The following ADGRL2 variants were observed in gnomAD, a reference collection of about 807,000 sequenced individuals.
ADGRL2 encodes the protein adhesion G protein-coupled receptor L2, also known as calcium-independent alpha-latrotoxin receptor 2.
Under a neutral mutation model 157.4 loss-of-function variants are expected in ADGRL2, and 44 were observed. The observed-to-expected ratio is 0.28, with a 90% confidence interval of 0.22 to 0.36. The LOEUF is 0.36. ADGRL2 is among the 10% of genes least tolerant of loss of function. The pLI is 1.00. For missense variants in ADGRL2, 1,510 were observed against 1,768.9 expected, an observed-to-expected ratio of 0.85 and a Z score of 2.63; for synonymous variants, 585 against 624.7, an observed-to-expected ratio of 0.94 and a Z score of 0.95.
intron 1 of ADGRL2, among the ~76,000 whole-genome samples, chr1:81,423,293 G>C (rs1029300567): frequency 6.6e-6 from 1 of 152,152 alleles, no homozygotes; most frequent in Admixed American, 6.6e-5. Flanking sequence ...CTCATATTCA[G>C]GTCAAACTAA....
rs143983940 is a variant in ADGRL2 at position 81,347,340 on chromosome 1, G to T, written c.-302+40831G>T. 3.5e-3 allele frequency among the ~76,000 whole-genome samples: 529 copies of T among 152,170 alleles called. 1 individual carries two copies. The highest frequency in any genetic ancestry group is 0.012 in the African/African-American group (511 of 41,518). The stretch of plus-strand genomic sequence containing the variant: ...CGCTTGAACCCGGGAAGCAGAGGTT[G>T]CAGTGAGCCTAGATCATGCCATTGC... On this transcript the variant is annotated intron_variant, in intron 1 of 24. Coordinates refer to the ADGRL2 transcript ENST00000370721.
rs188725004 is a variant in ADGRL2, at chr1:81,514,626, G to A, written c.-247-66250G>A. Reference sequence around the variant, plus strand: ...TTCAATCCATATGTTTCAGACTCACGTACAGTTGTATCAAAATCTTGTGTT... The same window carrying A: ...TTCAATCCATATGTTTCAGACTCACATACAGTTGTATCAAAATCTTGTGTT... On this transcript the variant is annotated intron_variant, in intron 2 of 24. Transcript: ENST00000370721. The A allele has an allele frequency of 7.2e-5, 11 of 152,236 alleles. No individual in the cohort carries two copies. In the East Asian group the frequency reaches 1.2e-3, roughly 16 times the overall value. 9.4% of individuals were successfully genotyped at this position (152,236 alleles called of 1,614,324 possible). A position where few individuals can be genotyped will look rare whatever the true frequency, so the allele number is the denominator to read the frequency against.
At position 81,705,591 on chromosome 1, in the gene ADGRL2, T is replaced by C. The variant is rs901539073; in HGVS notation, c.-143+5783T>C. Among the ~76,000 whole-genome samples, 15 of 151,864 alleles carry C rather than the reference T, an allele frequency of 9.9e-5. No homozygotes were observed. The East Asian group carries it at 2.2e-3, about 22-fold the overall frequency. On this transcript the variant is annotated intron_variant, in intron 1 of 20. Coordinates refer to the ADGRL2 transcript ENST00000359929. ...CAAAATTCCTGTAGCCAGGTCAGCC[T>C]GTGAAAGAACAGCAGGAAGCCAGCC...
intron 3 of ADGRL2, among the ~76,000 whole-genome samples, chr1:81,927,770 G>T (rs1375390047): frequency 1.3e-5 from 2 of 151,828 alleles, no homozygotes; most frequent in Non-Finnish European, 2.9e-5. Context: ...TTTGCCACAT[G>T]AATTACACAC....
chr1:81,606,773 TGC>T (rs940813050), intron 3 of ADGRL2, among the ~76,000 whole-genome samples: 6 of 115,684 alleles, frequency 5.2e-5, no homozygotes, highest in Non-Finnish European at 1.0e-4. Flanking sequence ...TGTGTGTGTG[TGC>T]GCACGCGTGT....
chr1:81,823,191 A>T (rs758473305), intron 1 of ADGRL2, among the ~76,000 whole-genome samples: 2 of 152,086 alleles, frequency 1.3e-5, no homozygotes, highest in Non-Finnish European at 2.9e-5. Flanking sequence ...AGTTTTAAAA[A>T]ATTCTGTTTC....
At chr1:81,419,200 T>C (rs1031236765) in intron 1 of ADGRL2, among the ~76,000 whole-genome samples, 1 of 152,188 alleles carries the variant, frequency 6.6e-6, no homozygotes, top group Non-Finnish European at 1.5e-5. Context: ...TTTATCTTTT[T>C]TTATTATTAT....
chr1:81,741,278 T>G (rs1460027640), intron 1 of ADGRL2, among the ~76,000 whole-genome samples: 1 of 152,000 alleles, frequency 6.6e-6, no homozygotes, highest in Non-Finnish European at 1.5e-5. Flanking sequence ...AAAAATAATT[T>G]TATGATTTCC....
upstream of ADGRL2, among the ~76,000 whole-genome samples, chr1:81,797,815 G>C (rs946415780): frequency 1.3e-5 from 2 of 151,968 alleles, no homozygotes; most frequent in African/African-American, 4.8e-5. Flanking sequence ...TCTACAGTTG[G>C]AAAAAACATG....
chr1:81,397,685 T>G (rs923136443), intron 1 of ADGRL2, among the ~76,000 whole-genome samples: 1 of 152,192 alleles, frequency 6.6e-6, no homozygotes, highest in African/African-American at 2.4e-5. Flanking sequence ...AGATAATTGT[T>G]ATTATTTGAA....
chr1:81,767,237 T>TTAATGCATA (rs2086164694), intron 2 of ADGRL2, among the ~76,000 whole-genome samples: 4 of 152,208 alleles, frequency 2.6e-5, no homozygotes, highest in Admixed American at 2.6e-4. Flanking sequence ...TCCTTTAACA[T>TTAATGCATA]TAATGCATAT....
At chr1:81,557,482 G>GAAGAAAGAAAGAAAGAAAGAAAGAAAGA (rs58652638) in intron 2 of ADGRL2, 1 of 119,966 alleles carries the variant, frequency 8.3e-6, no homozygotes, top group Non-Finnish European at 1.7e-5. Flanking sequence ...AAGAAAGAAA[G>GAAGAAAGAAAGAAAGAAAGAAAGAAAGA]AAGAAAGAAA....
intron 1 of ADGRL2, among the ~76,000 whole-genome samples, chr1:81,345,288 C>A (rs1333500278): frequency 6.6e-6 from 1 of 152,190 alleles, no homozygotes; most frequent in African/African-American, 2.4e-5. Context: ...CACCTCCAAG[C>A]CTAGGCTGCA....
chr1:81,470,232 G>A (rs868853190), intron 2 of ADGRL2, among the ~76,000 whole-genome samples: 6 of 152,178 alleles, frequency 3.9e-5, no homozygotes, highest in Non-Finnish European at 7.3e-5. Context: ...TTTTGTTCAA[G>A]TTATGCAAAT....
In ADGRL2 at chr1:81,903,980, G is replaced by C. The variant is rs188036497; in HGVS notation, c.74-3037G>C. ...AAATATTTTTTTGGTGGGGGAGATG[G>C]CATATAATTTTCATTGATAAGTAGT... is the stretch of plus-strand genomic sequence containing the variant. On this transcript the variant is annotated intron_variant, in intron 2 of 23. Coordinates refer to ENST00000686636, the MANE Select transcript of ADGRL2 (RefSeq NM_001366006.2). 3.7e-4 allele frequency among the ~76,000 whole-genome samples: 56 copies of C among 151,566 alleles called. 1 individual carries two copies. Among genetic ancestry groups the C allele is most frequent in the African/African-American group, 1.4e-3 (56 of 41,368 alleles).
intron 2 of ADGRL2, among the ~76,000 whole-genome samples, chr1:81,455,069 A>G (rs2077776275): frequency 6.6e-6 from 1 of 152,244 alleles, no homozygotes; most frequent in South Asian, 2.1e-4. Context: ...GCATACAGAC[A>G]TGGTTTAGGC....
chr1:81,881,965 C>A (rs889907481), intron 2 of ADGRL2, among the ~76,000 whole-genome samples: 2 of 152,166 alleles, frequency 1.3e-5, no homozygotes, highest in African/African-American at 4.8e-5. Flanking sequence ...AAATCACACA[C>A]CATCCCCCCT....
intron 1 of ADGRL2, among the ~76,000 whole-genome samples, chr1:81,743,429 G>T (rs531859808): frequency 7.3e-6 from 1 of 137,780 alleles, no homozygotes; most frequent in African/African-American, 2.7e-5. Context: ...TTAATCCAAA[G>T]AAGTTATTTA....
At chr1:81,399,818 T>G (rs2076720426) in intron 1 of ADGRL2, among the ~76,000 whole-genome samples, 1 of 152,186 alleles carries the variant, frequency 6.6e-6, no homozygotes, top group East Asian at 1.9e-4. Flanking sequence ...AGACAGTTAT[T>G]ATATATTTTT....
Sources: allele counts gnomAD v4.1 joint callset (sites outside exome capture counted in the v4.1 genomes callset), GRCh38; gene constraint gnomAD v4.1.1; transcripts MANE v1.5; gene names NCBI Gene and HGNC (gene_info 2026-07-23, HGNC 2026-07-21).